NRXN1: variants seen among roughly 807,000 people sequenced by gnomAD.
NRXN1 encodes neurexin-1.
Under a neutral mutation model 150.9 loss-of-function variants are expected in NRXN1, and 39 were observed. That is an observed-to-expected ratio of 0.26 (90% CI 0.20 to 0.34). The LOEUF is 0.34. NRXN1 is among the 10% of genes least tolerant of loss of function. The pLI is 1.00. For synonymous variants in NRXN1, 924 were observed against 757.0 expected, an observed-to-expected ratio of 1.22 and a Z score of -3.62; for missense variants, 1,815 against 1,949.9, an observed-to-expected ratio of 0.93 and a Z score of 1.30.
intron 21 of NRXN1, among the ~76,000 whole-genome samples, chr2:50,015,516 CAAAAAAAAAAAAA>C (rs34466037): frequency 1.2e-3 from 37 of 31,326 alleles, no homozygotes; most frequent in African/African-American, 3.8e-3. Context: ...GGATTTCTGC[CAAAAAAAAAAAAA>C]AAAAAAAAAA....
At chr2:50,191,616 A>G (rs551510111) in intron 18 of NRXN1, among the ~76,000 whole-genome samples, 5 of 152,250 alleles carry the variant, frequency 3.3e-5, no homozygotes, top group African/African-American at 1.2e-4. Context: ...TTGTCAAATC[A>G]ATAATCTATT....
At chr2:50,986,047 C>T (rs887757363) in intron 2 of NRXN1, among the ~76,000 whole-genome samples, 2 of 151,504 alleles carry the variant, frequency 1.3e-5, no homozygotes, top group Admixed American at 1.3e-4. Context: ...CCCAGTAACT[C>T]TGTATTAATA....
chr2:50,056,594 G>A lies in NRXN1; in HGVS notation c.3719-1550C>T, dbSNP rs186296856. 1.4e-4 allele frequency among the ~76,000 whole-genome samples: 21 copies of A among 152,058 alleles called. No individual in the cohort carries two copies. In the East Asian group the frequency reaches 4.1e-3, roughly 29 times the overall value. ...TAATTTTTTTAAAAGGACACAAATG[G>A]TACAAAATTCCAACCCTGTCTTCAT... On this transcript the variant is annotated intron_variant, in intron 19 of 22. Transcript: ENST00000401669.
chr2:50,353,836 C>T (rs1013054176), intron 17 of NRXN1, among the ~76,000 whole-genome samples: 1 of 152,106 alleles, frequency 6.6e-6, no homozygotes, highest in Non-Finnish European at 1.5e-5. Flanking sequence ...GTTGCTCAAA[C>T]TTTAGTGTGC....
At chr2:50,413,336 T>C (rs1373427985) in intron 17 of NRXN1, among the ~76,000 whole-genome samples, 1 of 151,650 alleles carries the variant, frequency 6.6e-6, no homozygotes, top group Non-Finnish European at 1.5e-5. Flanking sequence ...TGAAAAAGTG[T>C]TCAATATCAC....
At chr2:49,999,030 A>C (rs545674748) in intron 21 of NRXN1, among the ~76,000 whole-genome samples, 1 of 121,152 alleles carries the variant, frequency 8.3e-6, no homozygotes, top group Non-Finnish European at 1.9e-5. Context: ...GTGTACTACA[A>C]TTAATCTGGG....
At chr2:50,414,669 G>A (rs13404855) in intron 17 of NRXN1, among the ~76,000 whole-genome samples, 26,409 of 151,462 alleles carry the variant, frequency 0.17, 4,059 homozygotes, top group African/African-American at 0.39. Context: ...TAAGTCCCTC[G>A]GAAAATTATT....
At chr2:50,685,814 G>T (rs146222225) in intron 5 of NRXN1, among the ~76,000 whole-genome samples, 1 of 152,134 alleles carries the variant, frequency 6.6e-6, no homozygotes, top group African/African-American at 2.4e-5. Flanking sequence ...AAACCCCAAT[G>T]TCTCATTTGC....
chr2:50,686,678 C>G (rs973632697), intron 5 of NRXN1, among the ~76,000 whole-genome samples: 1 of 152,188 alleles, frequency 6.6e-6, no homozygotes, highest in African/African-American at 2.4e-5. Context: ...AACCTTGATT[C>G]TGCTGTATCC....
At chr2:49,942,273 GC>G (rs1672114319) in intron 22 of NRXN1, among the ~76,000 whole-genome samples, 1 of 152,066 alleles carries the variant, frequency 6.6e-6, no homozygotes, top group African/African-American at 2.4e-5. Flanking sequence ...GGTCTCCCAC[GC>G]CCTGTCCTGT....
At chr2:50,955,733 T>A (rs867040560) in intron 2 of NRXN1, among the ~76,000 whole-genome samples, 3 of 152,182 alleles carry the variant, frequency 2.0e-5, no homozygotes, top group Admixed American at 6.5e-5. Flanking sequence ...CTTTTTTACA[T>A]TTCCCAAGAA....
chr2:50,841,558 C>T (rs984382094), intron 5 of NRXN1, among the ~76,000 whole-genome samples: 3 of 152,176 alleles, frequency 2.0e-5, no homozygotes, highest in African/African-American at 7.2e-5. Context: ...AAATGACCTA[C>T]GTTAGTCACA....
chr2:50,368,337 C>T (rs1036601353), intron 17 of NRXN1, among the ~76,000 whole-genome samples: 2 of 151,770 alleles, frequency 1.3e-5, no homozygotes, highest in African/African-American at 2.4e-5. Flanking sequence ...AAAAAAAATC[C>T]TGTATGAAGA....
At chr2:50,271,947 A>T (rs2069726666) in intron 17 of NRXN1, among the ~76,000 whole-genome samples, 1 of 152,212 alleles carries the variant, frequency 6.6e-6, no homozygotes, top group Non-Finnish European at 1.5e-5. Flanking sequence ...ACTAGGTCAA[A>T]AGCCACCCGA....
chr2:50,134,851 C>A (rs1266182798), intron 18 of NRXN1, among the ~76,000 whole-genome samples: 1 of 152,154 alleles, frequency 6.6e-6, no homozygotes, highest in Non-Finnish European at 1.5e-5. Context: ...TTAGAAAATC[C>A]TGAAATAGCA....
intron 5 of NRXN1, among the ~76,000 whole-genome samples, chr2:50,735,678 G>A (rs946151158): frequency 2.0e-5 from 3 of 151,894 alleles, no homozygotes; most frequent in Admixed American, 6.6e-5. Flanking sequence ...GCTATGCTAC[G>A]TCCCTCAATT....
intron 21 of NRXN1, among the ~76,000 whole-genome samples, chr2:49,949,087 C>A (rs996755558): frequency 4.6e-5 from 7 of 151,924 alleles, no homozygotes; most frequent in Admixed American, 6.6e-5. Context: ...AAAACTTAAT[C>A]CATCCTTTTC....
intron 17 of NRXN1, among the ~76,000 whole-genome samples, chr2:50,350,869 G>C (rs7573083): frequency 0.15 from 23,269 of 152,044 alleles, 3,067 homozygotes; most frequent in East Asian, 0.47. Context: ...TGCCTCAAAA[G>C]AAGAAATTGT....
chr2:50,526,703 T>G (rs1244509163), intron 12 of NRXN1: 1 of 152,218 alleles, frequency 6.6e-6, no homozygotes, highest in Non-Finnish European at 1.5e-5. Flanking sequence ...ATGAAAATGT[T>G]ACCTGTTCAT....
Sources: allele counts gnomAD v4.1 joint callset (sites outside exome capture counted in the v4.1 genomes callset), GRCh38; gene constraint gnomAD v4.1.1; transcripts MANE v1.5; gene names NCBI Gene and HGNC (gene_info 2026-07-23, HGNC 2026-07-21).